MAGI2: variants seen among roughly 807,000 people sequenced by gnomAD.
The protein encoded by MAGI2 is membrane associated guanylate kinase, WW and PDZ domain containing 2.
A neutral mutation model predicts 133.3 loss-of-function variants in MAGI2; 35 were observed. The observed-to-expected ratio is 0.26, with a 90% CI of 0.20 to 0.35. MAGI2 has a LOEUF of 0.35. Among genes scored for constraint, MAGI2 ranks in the 10% least tolerant of loss-of-function variants. The pLI, the probability that MAGI2 is intolerant of heterozygous loss-of-function variation, is 1.00. For missense variants in MAGI2, 1,636 were observed against 1,863.4 expected (o/e 0.88, Z 2.25); for synonymous variants, 729 against 710.6 (o/e 1.03, Z -0.41).
intron 21 of MAGI2, among the ~76,000 whole-genome samples, chr7:78,070,600 ATATGTGTATATATATATG>A (rs1563081639): frequency 0.024 from 1,159 of 48,240 alleles, 15 homozygotes; most frequent in East Asian, 0.21. Context: ...ATATGTGTAT[ATATGTGTATATATATATG>A]TGTGTGTGTG....
intron 1 of MAGI2, among the ~76,000 whole-genome samples, chr7:79,261,646 C>T (rs1487716112): frequency 6.6e-6 from 1 of 152,164 alleles, no homozygotes; most frequent in Admixed American, 6.5e-5. Context: ...TATTCCCCTC[C>T]ATTGCTTTAT....
intron 1 of MAGI2, among the ~76,000 whole-genome samples, chr7:79,244,315 A>T (rs1832657289): frequency 6.6e-6 from 1 of 152,238 alleles, no homozygotes. Flanking sequence ...CAATCACAGT[A>T]CCTGGTTTTT....
intron 6 of MAGI2, 91 bp downstream of exon 6, chr7:78,489,670 A>G (rs1441280430): frequency 1.1e-5 from 10 of 921,110 alleles, no homozygotes; most frequent in Non-Finnish European, 1.7e-5. Context: ...TTTCAGCTAG[A>G]TTATTGCCTC....
chr7:78,230,884 T>C (rs1045166518), intron 10 of MAGI2, among the ~76,000 whole-genome samples: 2 of 152,226 alleles, frequency 1.3e-5, no homozygotes, highest in African/African-American at 4.8e-5. Context: ...AAAGCATCAC[T>C]GACTGACTTT....
At position 79,028,324 on chromosome 7, in the gene MAGI2, TATACATATATATAC is replaced by T. The variant is rs1562805721; in HGVS notation, c.302-21132_302-21119del. ...ATATATATATATATACACACATATA[TATACATATATATAC>T]ACACACACACACACACATACACACA... On this transcript the variant is annotated intron_variant, in intron 1 of 21. Coordinates refer to ENST00000354212, the MANE Select transcript of MAGI2 (RefSeq NM_012301.4). 1.7e-3 allele frequency among the ~76,000 whole-genome samples: 176 copies of T among 105,984 alleles called. 1 individual carries two copies. Among genetic ancestry groups the T allele is most frequent in the African/African-American group, 5.6e-3 (160 of 28,346 alleles). 69.5% of individuals were successfully genotyped at this position (105,984 alleles called of 152,430 possible).
At chr7:78,844,452 C>T (rs186533142) in intron 2 of MAGI2, among the ~76,000 whole-genome samples, 9 of 151,930 alleles carry the variant, frequency 5.9e-5, no homozygotes, top group Non-Finnish European at 1.0e-4. Flanking sequence ...AATATCCATA[C>T]AATGGAGTAT....
chr7:79,321,861 A>G (rs959954215), intron 1 of MAGI2, among the ~76,000 whole-genome samples: 2 of 152,208 alleles, frequency 1.3e-5, no homozygotes, highest in African/African-American at 4.8e-5. Flanking sequence ...ATTGTTGGAA[A>G]TAGTGTGCCC....
chr7:78,398,692 C>G (rs1003745849), intron 6 of MAGI2, among the ~76,000 whole-genome samples: 2 of 152,090 alleles, frequency 1.3e-5, no homozygotes, highest in Non-Finnish European at 2.9e-5. Context: ...AACTCTCAGT[C>G]TTGGTGGAAA....
At chr7:78,372,524 A>C (rs10953539) in intron 6 of MAGI2, among the ~76,000 whole-genome samples, 124,968 of 152,086 alleles carry the variant, frequency 0.82, 51,465 homozygotes, top group Admixed American at 0.85. Flanking sequence ...TGATTAAGGT[A>C]ACACTGATGA....
intron 1 of MAGI2, among the ~76,000 whole-genome samples, chr7:79,386,776 C>G (rs1844211596): frequency 6.6e-6 from 1 of 151,838 alleles, no homozygotes; most frequent in Admixed American, 6.6e-5. Context: ...AAAGGTGGTG[C>G]CTTTGGGAAG....
intron 3 of MAGI2, among the ~76,000 whole-genome samples, chr7:78,577,404 C>T (rs1178111272): frequency 6.6e-6 from 1 of 152,014 alleles, no homozygotes; most frequent in East Asian, 1.9e-4. Context: ...TTGAAATAAG[C>T]AATATCATAA....
chr7:78,430,505 T>A (rs1799692144), intron 6 of MAGI2, among the ~76,000 whole-genome samples: 1 of 151,994 alleles, frequency 6.6e-6, no homozygotes, highest in African/African-American at 2.4e-5. Context: ...TTTCTGAATA[T>A]ACTTAGTTTT....
intron 9 of MAGI2, among the ~76,000 whole-genome samples, chr7:78,282,536 A>G (rs1354829243): frequency 1.3e-5 from 2 of 151,828 alleles, no homozygotes; most frequent in Non-Finnish European, 2.9e-5. Flanking sequence ...CTATCTATCT[A>G]TCTATCTTGT....
chr7:79,233,890 T>C (rs80202148), intron 1 of MAGI2, among the ~76,000 whole-genome samples: 29 of 151,764 alleles, frequency 1.9e-4, no homozygotes, highest in Middle Eastern at 3.4e-3. Context: ...TTCCTAGTCT[T>C]GATGGTCTTT....
chr7:78,757,952 C>G (rs1250667894), intron 2 of MAGI2, among the ~76,000 whole-genome samples: 1 of 152,154 alleles, frequency 6.6e-6, no homozygotes, highest in Non-Finnish European at 1.5e-5. Context: ...GACCAGTACT[C>G]TTGGATGACA....
intron 10 of MAGI2, among the ~76,000 whole-genome samples, chr7:78,217,204 C>A (rs1424437702): frequency 6.6e-6 from 1 of 152,176 alleles, no homozygotes; most frequent in Non-Finnish European, 1.5e-5. Flanking sequence ...GGTGGGAACA[C>A]AATTCAACCT....
intron 1 of MAGI2, among the ~76,000 whole-genome samples, chr7:79,138,734 G>A (rs986967840): frequency 1.3e-5 from 2 of 152,068 alleles, no homozygotes; most frequent in Admixed American, 6.6e-5. Flanking sequence ...GGCCAGGCGC[G>A]GTGGCTCAAG....
chr7:78,945,101 C>G (rs1424823532), intron 2 of MAGI2, among the ~76,000 whole-genome samples: 1 of 151,960 alleles, frequency 6.6e-6, no homozygotes, highest in Non-Finnish European at 1.5e-5. Context: ...GTTCCCCACA[C>G]TGGAGTGTGG....
At chr7:78,069,899 A>G (rs1814306718) in intron 21 of MAGI2, among the ~76,000 whole-genome samples, 1 of 152,018 alleles carries the variant, frequency 6.6e-6, no homozygotes, top group South Asian at 2.1e-4. Flanking sequence ...ATGACTCTTC[A>G]TGATGGGTTA....
Sources: allele counts gnomAD v4.1 joint callset (sites outside exome capture counted in the v4.1 genomes callset), GRCh38; gene constraint gnomAD v4.1.1; transcripts MANE v1.5; gene names NCBI Gene and HGNC (gene_info 2026-07-23, HGNC 2026-07-21).